KCNMA1: variants seen among roughly 807,000 people sequenced by gnomAD.
KCNMA1 encodes Calcium-activated potassium channel subunit alpha-1.
A neutral mutation model predicts 140.0 loss-of-function variants in KCNMA1; 29 were observed. The observed-to-expected ratio is 0.21, with a 90% CI of 0.15 to 0.28. The LOEUF (loss-of-function observed/expected upper bound fraction) is 0.28, where lower values mean the gene tolerates loss of function less well. KCNMA1 is among the 10% of genes least tolerant of loss of function. KCNMA1 has a pLI of 1.00. For missense variants in KCNMA1, 880 were observed against 1,602.2 expected, an observed-to-expected ratio of 0.55 and a Z score of 7.70; for synonymous variants, 612 against 611.9, an observed-to-expected ratio of 1.00 and a Z score of 0.00.
At position 77,001,194 on chromosome 10, in the gene KCNMA1, C is replaced by T. The variant is rs12263556; in HGVS notation, c.2266+213G>A. ...AATATCACAGTCCTGCATGCTGTTA[C>T]GAGAAGCGTAAGTTAAGAAAATCAG... is the stretch of plus-strand genomic sequence containing the variant. On this transcript the variant is annotated intron_variant, in intron 19 of 27. Coordinates refer to ENST00000286628, the MANE Select transcript of KCNMA1 (RefSeq NM_001161352.2). 0.013 allele frequency among the ~76,000 whole-genome samples: 1,986 copies of T among 152,038 alleles called. 36 individuals carry two copies. The highest frequency in any genetic ancestry group is 0.045 in the African/African-American group (1,862 of 41,468).
At chr10:77,538,696 C>G (rs562645831) in intron 1 of KCNMA1, among the ~76,000 whole-genome samples, 117 of 152,296 alleles carry the variant, frequency 7.7e-4, no homozygotes, top group African/African-American at 2.1e-3. Flanking sequence ...CCCCCTCCCC[C>G]ACCTTGGTCC....
intron 1 of KCNMA1, among the ~76,000 whole-genome samples, chr10:77,519,335 G>C (rs1455506741): frequency 6.6e-6 from 1 of 152,240 alleles, no homozygotes; most frequent in Admixed American, 6.5e-5. Context: ...TCTATCCAGA[G>C]ATGAAAGGCT....
chr10:76,980,681 G>A (rs2079159624), intron 19 of KCNMA1: 1 of 152,186 alleles, frequency 6.6e-6, no homozygotes, highest in African/African-American at 2.4e-5. Context: ...GAGCTTATCA[G>A]CTGCTCAAAT....
At chr10:77,001,707 G>A in intron 18 of KCNMA1, 127 bp from the exon 19 acceptor site, 2 of 720,840 alleles carry the variant, frequency 2.8e-6, no homozygotes, top group Non-Finnish European at 4.5e-6. Flanking sequence ...TAACAGTCTT[G>A]ACCCAGAAAA....
chr10:77,600,671 C>G (rs548149786), intron 1 of KCNMA1, among the ~76,000 whole-genome samples: 86 of 152,202 alleles, frequency 5.7e-4, no homozygotes, highest in Non-Finnish European at 6.5e-4. Flanking sequence ...TCGCTTGAAC[C>G]CAGGAGGAGA....
intron 2 of KCNMA1, among the ~76,000 whole-genome samples, chr10:77,272,959 C>A (rs191683215): frequency 2.2e-4 from 34 of 152,288 alleles, no homozygotes; most frequent in Admixed American, 2.0e-3. Flanking sequence ...AGACCCCCTA[C>A]CAAAACATGG....
chr10:77,561,715 G>A (rs2066460696), intron 1 of KCNMA1, among the ~76,000 whole-genome samples: 1 of 152,220 alleles, frequency 6.6e-6, no homozygotes, highest in South Asian at 2.1e-4. Context: ...GAGACCTCCT[G>A]CTATGCTGGA....
chr10:77,006,335 A>C (rs1416875218), intron 18 of KCNMA1, among the ~76,000 whole-genome samples: 1 of 152,212 alleles, frequency 6.6e-6, no homozygotes, highest in African/African-American at 2.4e-5. Context: ...TTTTCAGGTC[A>C]CAGCCTCACT....
intron 14 of KCNMA1, among the ~76,000 whole-genome samples, chr10:77,070,487 C>T (rs146943485): frequency 1.4e-3 from 211 of 152,284 alleles, no homozygotes; most frequent in Non-Finnish European, 2.5e-3. Flanking sequence ...TTTACCTTGG[C>T]TTCCAGAAAT....
intron 1 of KCNMA1, among the ~76,000 whole-genome samples, chr10:77,448,882 A>T (rs1194475643): frequency 1.3e-5 from 2 of 152,082 alleles, no homozygotes; most frequent in Non-Finnish European, 2.9e-5. Context: ...AGGTCAGGAG[A>T]TCGAGACCAG....
chr10:77,112,841 CATAT>C (rs34600954), intron 6 of KCNMA1, among the ~76,000 whole-genome samples: 2 of 147,506 alleles, frequency 1.4e-5, no homozygotes, highest in African/African-American at 2.5e-5. Context: ...TTGCCATGTA[CATAT>C]ATATATATAT....
chr10:76,987,838 T>C (rs2081691532), intron 19 of KCNMA1, among the ~76,000 whole-genome samples: 1 of 152,136 alleles, frequency 6.6e-6, no homozygotes, highest in African/African-American at 2.4e-5. Context: ...TAGCAGAAAG[T>C]TGGAAATTAT....
At chr10:77,044,573 C>T (rs2094930017) in intron 14 of KCNMA1, among the ~76,000 whole-genome samples, 1 of 152,136 alleles carries the variant, frequency 6.6e-6, no homozygotes, top group Admixed American at 6.5e-5. Context: ...AGCTTGAGCA[C>T]AGGAGTTCAA....
At chr10:77,505,014 A>T (rs980100160) in intron 1 of KCNMA1, among the ~76,000 whole-genome samples, 1 of 152,102 alleles carries the variant, frequency 6.6e-6, no homozygotes, top group African/African-American at 2.4e-5. Flanking sequence ...TTCCTTGGCC[A>T]TCTGTTCATT....
intron 27 of KCNMA1, among the ~76,000 whole-genome samples, chr10:76,888,771 C>T (rs1374584884): frequency 6.6e-6 from 1 of 152,054 alleles, no homozygotes. Flanking sequence ...GCAGAAGAAC[C>T]ACTTATCTTA....
intron 2 of KCNMA1, among the ~76,000 whole-genome samples, chr10:77,401,552 A>G (rs780899751): frequency 6.6e-6 from 1 of 152,146 alleles, no homozygotes; most frequent in Non-Finnish European, 1.5e-5. Flanking sequence ...CCAGAGCGCC[A>G]GGCTCCTTCT....
intron 3 of KCNMA1, among the ~76,000 whole-genome samples, chr10:77,232,468 T>C (rs920607057): frequency 6.6e-6 from 1 of 152,230 alleles, no homozygotes; most frequent in East Asian, 1.9e-4. Flanking sequence ...GGGTGTAAAG[T>C]GGTATCTCAC....
At chr10:77,357,419 C>A (rs972340559) in intron 2 of KCNMA1, among the ~76,000 whole-genome samples, 7 of 152,196 alleles carry the variant, frequency 4.6e-5, no homozygotes, top group Non-Finnish European at 2.9e-5. Context: ...AGAGTATCTG[C>A]CAGCCTCTGC....
intron 3 of KCNMA1, among the ~76,000 whole-genome samples, chr10:77,247,890 G>A (rs1055163332): frequency 6.6e-6 from 1 of 152,074 alleles, no homozygotes; most frequent in African/African-American, 2.4e-5. Flanking sequence ...TCAATTCCAG[G>A]AGCTCTGAGG....
Sources: allele counts gnomAD v4.1 joint callset (sites outside exome capture counted in the v4.1 genomes callset), GRCh38; gene constraint gnomAD v4.1.1; transcripts MANE v1.5; gene names NCBI Gene and HGNC (gene_info 2026-07-23, HGNC 2026-07-21).